SLC35F1: variants seen among roughly 807,000 people sequenced by gnomAD.
SLC35F1 encodes the protein solute carrier family 35 member F1, also known as chromosome 6 open reading frame 169.
Under a neutral mutation model 48.7 loss-of-function variants are expected in SLC35F1, and 14 were observed. That is an observed-to-expected ratio of 0.29 (90% CI 0.19 to 0.45). The LOEUF is 0.45. SLC35F1 is among the 20% of genes least tolerant of loss of function. SLC35F1 has a pLI of 1.00. For missense variants in SLC35F1, 404 were observed against 500.0 expected, an observed-to-expected ratio of 0.81 and a Z score of 1.83; for synonymous variants, 190 against 202.2, an observed-to-expected ratio of 0.94 and a Z score of 0.51.
At chr6:118,225,993 T>C (rs1396901102) in intron 2 of SLC35F1, among the ~76,000 whole-genome samples, 1 of 151,366 alleles carries the variant, frequency 6.6e-6, no homozygotes, top group Admixed American at 6.6e-5. Flanking sequence ...ATAACCAGAA[T>C]ATATAAACAG....
intron 1 of SLC35F1, among the ~76,000 whole-genome samples, chr6:118,133,246 G>GA (rs1249861250): frequency 2.6e-5 from 4 of 151,946 alleles, no homozygotes; most frequent in Non-Finnish European, 5.9e-5. Flanking sequence ...TGATAGCAAA[G>GA]AAAAAACAGA....
intron 2 of SLC35F1, among the ~76,000 whole-genome samples, chr6:118,192,246 C>G (rs990197984): frequency 2.0e-5 from 3 of 152,042 alleles, no homozygotes; most frequent in Non-Finnish European, 4.4e-5. Flanking sequence ...CAAAGTATTT[C>G]CTTGGTATTC....
intron 1 of SLC35F1, among the ~76,000 whole-genome samples, chr6:117,933,912 CTA>C (rs2114814335): frequency 6.6e-6 from 1 of 151,990 alleles, no homozygotes; most frequent in East Asian, 1.9e-4. Context: ...TTGTCCCGAC[CTA>C]TGTTTTGTTT....
intron 1 of SLC35F1, among the ~76,000 whole-genome samples, chr6:118,041,724 C>G (rs551630295): frequency 3.9e-5 from 6 of 152,070 alleles, no homozygotes; most frequent in African/African-American, 1.4e-4. Flanking sequence ...AGAGATCTTG[C>G]AAGCAAAGGG....
rs530532704 is a variant in SLC35F1 at position 118,168,001 on chromosome 6, G to C, written c.349+13381G>C. On this transcript the variant is annotated intron_variant, in intron 2 of 7. Coordinates refer to ENST00000360388, the MANE Select transcript of SLC35F1 (RefSeq NM_001029858.4). ...GCAGAATAATTCATTATAACCGCTA[G>C]AATCAATAGTTTGCTGTTTCATGGC... Among the ~76,000 whole-genome samples, 10 of 152,284 alleles carry C rather than the reference G, an allele frequency of 6.6e-5. 1 individual carries two copies. The South Asian group carries it at 1.5e-3, about 22-fold the overall frequency.
chr6:117,913,244 A>C (rs986223339), intron 1 of SLC35F1, among the ~76,000 whole-genome samples: 1 of 152,226 alleles, frequency 6.6e-6, no homozygotes, highest in Non-Finnish European at 1.5e-5. Flanking sequence ...CAGTAGATGT[A>C]TGGAAAAAAC....
intron 2 of SLC35F1, among the ~76,000 whole-genome samples, chr6:118,235,092 GC>G (rs142454831): frequency 0.05 from 7,561 of 152,120 alleles, 256 homozygotes; most frequent in African/African-American, 0.085. Flanking sequence ...CCAAGCACAA[GC>G]CTTTTTCTGT....
intron 1 of SLC35F1, among the ~76,000 whole-genome samples, chr6:118,082,292 A>C (rs1041530027): frequency 4.0e-4 from 61 of 152,194 alleles, no homozygotes; most frequent in Admixed American, 2.4e-3. Flanking sequence ...TTTAGTTTTA[A>C]AGATGCCCCA....
intron 1 of SLC35F1, among the ~76,000 whole-genome samples, chr6:118,016,084 T>C (rs550662415): frequency 6.6e-6 from 1 of 152,328 alleles, no homozygotes; most frequent in Non-Finnish European, 1.5e-5. Flanking sequence ...ATAACACACT[T>C]CCCAAACAGG....
chr6:118,312,454 C>A (rs1425729710), intron 7 of SLC35F1, among the ~76,000 whole-genome samples: 2 of 152,102 alleles, frequency 1.3e-5, no homozygotes, highest in East Asian at 3.9e-4. Context: ...AAGAATGAGG[C>A]ACATTCATTT....
intron 1 of SLC35F1, among the ~76,000 whole-genome samples, chr6:118,049,163 G>C (rs1315121894): frequency 6.6e-6 from 1 of 152,136 alleles, no homozygotes; most frequent in African/African-American, 2.4e-5. Flanking sequence ...CTAGCCAAAC[G>C]TAGAAAGCTG....
At chr6:117,933,035 T>C (rs1221271538) in intron 1 of SLC35F1, among the ~76,000 whole-genome samples, 1 of 152,196 alleles carries the variant, frequency 6.6e-6, no homozygotes, top group East Asian at 1.9e-4. Context: ...TTTTTATGCT[T>C]CATAACTAGA....
intron 1 of SLC35F1, among the ~76,000 whole-genome samples, chr6:117,966,962 T>A (rs1562250712): frequency 6.6e-6 from 1 of 152,206 alleles, no homozygotes; most frequent in Non-Finnish European, 1.5e-5. Flanking sequence ...GTGTCACTGA[T>A]ACTTCTCTTT....
intron 2 of SLC35F1, among the ~76,000 whole-genome samples, chr6:118,208,906 T>C (rs746812081): frequency 2.6e-5 from 4 of 152,168 alleles, no homozygotes; most frequent in Non-Finnish European, 5.9e-5. Flanking sequence ...AAGCAAGTTA[T>C]AGAACCAGAA....
chr6:117,914,819 A>C (rs1743678951), intron 1 of SLC35F1, among the ~76,000 whole-genome samples: 1 of 152,206 alleles, frequency 6.6e-6, no homozygotes, highest in African/African-American at 2.4e-5. Flanking sequence ...GAAACATAAT[A>C]AAATTACTCA....
chr6:117,907,477 C>T lies in SLC35F1; in HGVS notation c.-250C>T. On this transcript the variant is annotated 5_prime_UTR_variant, in exon 1 of 8. Coordinates refer to ENST00000360388, the MANE Select transcript of SLC35F1 (RefSeq NM_001029858.4). ...ACTTGGGGACGCGGCTCGGGAAGAGCCGGGGCGGGCGGCGGCGGCGGCGGC... is the reference window on the plus strand; with the variant it reads ...ACTTGGGGACGCGGCTCGGGAAGAGTCGGGGCGGGCGGCGGCGGCGGCGGC... The T allele has an allele frequency of 7.6e-6, 2 of 261,738 alleles. No homozygotes were observed. Among genetic ancestry groups the T allele is most frequent in the Non-Finnish European group, 7.1e-6 (1 of 141,290 alleles). 16.2% of individuals were successfully genotyped at this position (261,738 alleles called of 1,614,324 possible).
intron 7 of SLC35F1, among the ~76,000 whole-genome samples, chr6:118,296,323 G>A (rs944315578): frequency 3.9e-5 from 6 of 152,194 alleles, no homozygotes; most frequent in Admixed American, 6.5e-5. Flanking sequence ...TCCTCTGTGG[G>A]ACTCCTTCTT....
chr6:117,995,593 T>C lies in SLC35F1; in HGVS notation c.173+87694T>C, dbSNP rs1307950601. ...CCGTCTCTACTAAAAATACAAAAAT[T>C]AGCTGGGTGTGGTCGTGGGCACCTG... On this transcript the variant is annotated intron_variant, in intron 1 of 7. Transcript: ENST00000360388. 2.0e-5 allele frequency among the ~76,000 whole-genome samples: 3 copies of C among 151,964 alleles called. No individual in the cohort carries two copies. In the East Asian group the frequency reaches 5.8e-4, roughly 29 times the overall value.
intron 1 of SLC35F1, among the ~76,000 whole-genome samples, chr6:117,991,589 G>A (rs74638152): frequency 1.3e-5 from 2 of 152,222 alleles, no homozygotes; most frequent in African/African-American, 2.4e-5. Flanking sequence ...CAGTCTCCAC[G>A]TGTTTCTAGT....
Sources: gnomAD v4.1 joint callset for allele counts (sites outside exome capture counted in the v4.1 genomes callset) on GRCh38, gnomAD v4.1.1 for gene constraint, MANE v1.5 for transcripts, NCBI Gene and HGNC (gene_info 2026-07-23, HGNC 2026-07-21) for gene names.